TNS1: variants seen among roughly 807,000 people sequenced by gnomAD.
The protein encoded by TNS1 is tensin-1.
In TNS1, 62 loss-of-function variants were observed where a neutral mutation model predicts 168.6. The ratio of observed to expected loss-of-function variants is 0.37; its 90% CI spans 0.30 to 0.45. TNS1 has a LOEUF of 0.45. TNS1 is among the 20% of genes least tolerant of loss of function. The pLI is 1.00. For missense variants in TNS1, 2,240 were observed against 2,339.4 expected (o/e 0.96, Z 0.88); for synonymous variants, 934 against 933.2 (o/e 1.00, Z -0.02).
intron 3 of TNS1, among the ~76,000 whole-genome samples, chr2:217,921,934 G>T (rs185361554): frequency 1.8e-4 from 28 of 152,310 alleles, no homozygotes; most frequent in Admixed American, 1.6e-3. Flanking sequence ...GCTGATAAGT[G>T]GCCGAGATTT....
Position 217,818,043 on chromosome 2 carries a change from T to C in TNS1, c.4289A>G (p.Tyr1430Cys), listed in dbSNP as rs540245275. ...GGGTCTCCGATCCTCCGGGGTAGAA[T>C]AGCCACCATAGGCCACATGCCGGTC... is the stretch of plus-strand genomic sequence containing the variant. ...CLDRHVAYGGYSTPEDRRPTL... is the reference protein window; with the variant it reads ...CLDRHVAYGGCSTPEDRRPTL... The change falls in exon 24 of 33, where the codon TAT (tyrosine) becomes TGT (cysteine). Residue 1430 changes from tyrosine (Y) to cysteine (C), a missense_variant. This residue lies in a region of TNS1 where 2,131 missense variants were observed against 2,171.2 expected (regional missense o/e 0.98). Coordinates refer to ENST00000682258, the MANE Select transcript of TNS1 (RefSeq NM_001387777.1). 71 of 1,605,486 alleles carry C rather than the reference T, an allele frequency of 4.4e-5. No individual in the cohort carries two copies. In the South Asian group the frequency reaches 7.5e-4, roughly 17 times the overall value.
rs372273219 is a variant in TNS1 at position 217,973,159 on chromosome 2, GC to G, written c.186+5605del. 1.9e-3 allele frequency among the ~76,000 whole-genome samples: 294 copies of G among 152,078 alleles called. 2 individuals carry two copies. Among genetic ancestry groups the G allele is most frequent in the African/African-American group, 6.6e-3 (274 of 41,466 alleles). On this transcript the variant is annotated intron_variant, in intron 3 of 32. Transcript: ENST00000682258. ...ACTTGAGCCCAGGAGTTCAAGACCA[GC>G]CTGAGCAACATGGCGAGACCCTGTC...
At chr2:217,804,704 C>A in intron 32 of TNS1, 101 bp from the exon 33 acceptor site, 1 of 1,457,854 alleles carries the variant, frequency 6.9e-7, no homozygotes, top group South Asian at 1.3e-5. Flanking sequence ...GCCAACCTCT[C>A]TTCCCCATCC....
chr2:217,921,484 TC>T (rs550166947), intron 3 of TNS1, among the ~76,000 whole-genome samples: 190 of 152,280 alleles, frequency 1.2e-3, no homozygotes, highest in African/African-American at 4.4e-3. Context: ...CATGCTGTCA[TC>T]CCAGCAGCCC....
chr2:218,016,809 G>A (rs1317800438), intron 1 of TNS1, among the ~76,000 whole-genome samples: 1 of 152,206 alleles, frequency 6.6e-6, no homozygotes, highest in Admixed American at 6.5e-5. Flanking sequence ...TGAGTGGTGA[G>A]AAGAAAACAA....
chr2:217,952,743 C>T (rs78406406), intron 3 of TNS1, among the ~76,000 whole-genome samples: 1,987 of 152,288 alleles, frequency 0.013, 44 homozygotes, highest in African/African-American at 0.045. Context: ...AGACCCCTTC[C>T]CAGCAGGGCT....
At chr2:217,996,473 A>G (rs1220910897) in intron 1 of TNS1, among the ~76,000 whole-genome samples, 1 of 151,334 alleles carries the variant, frequency 6.6e-6, no homozygotes, top group Non-Finnish European at 1.5e-5. Flanking sequence ...GCTTCCTCCA[A>G]CCCCACTTCA....
At chr2:218,012,831 C>G (rs1047287591), upstream of TNS1, among the ~76,000 whole-genome samples, 1 of 152,230 alleles carries the variant, frequency 6.6e-6, no homozygotes, top group Non-Finnish European at 1.5e-5. Context: ...CCAGGACCCC[C>G]TTTGCTTCTT....
chr2:217,886,137 G>A (rs749154765), intron 13 of TNS1, 33 bp from the exon 14 acceptor site: 2 of 1,611,168 alleles, frequency 1.2e-6, no homozygotes, highest in Non-Finnish European at 8.5e-7. Context: ...AGCTAAGACA[G>A]CAGAAACTGG....
intron 6 of TNS1, among the ~76,000 whole-genome samples, chr2:217,905,829 G>T (rs1276946969): frequency 6.6e-6 from 1 of 152,214 alleles, no homozygotes; most frequent in Non-Finnish European, 1.5e-5. Context: ...AAAATGGGAG[G>T]CAGGAGGAGC....
intron 22 of TNS1, among the ~76,000 whole-genome samples, chr2:217,825,753 T>C (rs1023596082): frequency 6.6e-6 from 1 of 152,206 alleles, no homozygotes. Context: ...AGCTGCAGCC[T>C]GGGAGTCTGA....
rs114764318 is a variant in TNS1, at chr2:217,912,178, C to T, written c.229-4927G>A. ...GCTGCCAGGACGGCCTAGAGGCTCA[C>T]GCAGGAGGACAGGTTAGTGGCCTGC... On this transcript the variant is annotated intron_variant, in intron 4 of 32. Transcript: ENST00000682258. Among the ~76,000 whole-genome samples the T allele has an allele frequency of 7.8e-3, 1,189 of 152,270 alleles. 20 individuals are homozygous for T. The highest frequency in any genetic ancestry group is 0.027 in the African/African-American group (1,105 of 41,544).
chr2:217,818,452 G>A lies in TNS1; in HGVS notation c.3880C>T (p.Pro1294Ser), dbSNP rs147629696. ...ARHRTVGTNT[P>S]PSPGFGWRAI... ...CGCCAGCCGAAGCCAGGACTAGGGG[G>A]AGTGTTGGTGCCCACTGTTCTGTGG... The change falls in exon 24 of 33, where the codon CCC becomes TCC. Residue 1294 changes from proline (P) to serine (S), a missense_variant. Physicochemically the swap from Pro to Ser is moderately conservative, Grantham distance 74. This residue lies in a region of TNS1 where 2,131 missense variants were observed against 2,171.2 expected (regional missense o/e 0.98). Coordinates refer to ENST00000682258, the MANE Select transcript of TNS1 (RefSeq NM_001387777.1). The A allele has an allele frequency of 6.2e-7, 1 of 1,614,172 alleles. No homozygotes were observed. Among genetic ancestry groups the A allele is most frequent in the Non-Finnish European group, 8.5e-7 (1 of 1,180,008 alleles).
chr2:217,847,510 C>G lies in TNS1; in HGVS notation c.3007G>C (p.Gly1003Arg). 1 of 1,464,032 alleles carries G rather than the reference C, an allele frequency of 6.8e-7. No homozygotes were observed. Among genetic ancestry groups the G allele is most frequent in the Non-Finnish European group, 9.1e-7 (1 of 1,101,264 alleles). The allele number at this position is 1,464,032 out of a possible 1,614,324, so 90.7% of individuals were successfully genotyped here. A position where few individuals can be genotyped will look rare whatever the true frequency, so the allele number is the denominator to read the frequency against. The change falls in exon 19 of 33, where the codon GGG becomes CGG. Residue 1003 changes from glycine to arginine, a missense_variant and splice_region_variant. Physicochemically the swap from Gly to Arg is moderately radical, Grantham distance 125 (BLOSUM62 -2). This residue lies in a region of TNS1 where 2,131 missense variants were observed against 2,171.2 expected (regional missense o/e 0.98). Transcript: ENST00000682258. The part of the protein sequence containing the change: ...LEGLVAHRVA[G>R]VQAREKQPAE... ...GGAGTCAGGACTGAATACCTCTTAC[C>G]TGCTACCCTGTGGGCCACCAGCCCT...
At chr2:217,978,105 C>T (rs1317536561) in intron 3 of TNS1, among the ~76,000 whole-genome samples, 8 of 152,200 alleles carry the variant, frequency 5.3e-5, no homozygotes, top group Non-Finnish European at 8.8e-5. Context: ...GGGGCTGAGC[C>T]AGCCTGGCCA....
At chr2:217,809,216 C>CATGG (rs1446633026) in intron 30 of TNS1, among the ~76,000 whole-genome samples, 2,711 of 29,992 alleles carry the variant, frequency 0.09, 595 homozygotes, top group East Asian at 0.2. Flanking sequence ...TGGATGGATG[C>CATGG]ATGGATGGAT....
At chr2:217,908,263 T>C (rs1213845258) in intron 4 of TNS1, among the ~76,000 whole-genome samples, 2 of 152,110 alleles carry the variant, frequency 1.3e-5, no homozygotes, top group Non-Finnish European at 2.9e-5. Context: ...GGCTTCCTAC[T>C]AAAGATGGTT....
At chr2:217,815,837 C>T (rs1941807761) in intron 24 of TNS1, among the ~76,000 whole-genome samples, 1 of 152,134 alleles carries the variant, frequency 6.6e-6, no homozygotes, top group South Asian at 2.1e-4. Context: ...TCCTCACTTT[C>T]CACAGGGAAG....
chr2:218,001,276 C>T (rs1958558276), intron 1 of TNS1, among the ~76,000 whole-genome samples: 1 of 152,158 alleles, frequency 6.6e-6, no homozygotes, highest in Admixed American at 6.5e-5. Flanking sequence ...GGGCACTCTA[C>T]CTGCCAGGCA....
Sources: allele counts gnomAD v4.1 joint callset (sites outside exome capture counted in the v4.1 genomes callset), GRCh38; gene constraint gnomAD v4.1.1; regional missense constraint gnomAD v4.1.1; transcripts MANE v1.5; gene names NCBI Gene and HGNC (gene_info 2026-07-23, HGNC 2026-07-21).